SGCG: variants seen among roughly 807,000 people sequenced by gnomAD.
The protein encoded by SGCG is sarcoglycan gamma.
Under a neutral mutation model 29.3 loss-of-function variants are expected in SGCG, and 26 were observed. The observed-to-expected ratio is 0.89, with a 90% CI of 0.65 to 1.23. SGCG has a LOEUF of 1.23. Ranked by LOEUF, SGCG falls within the 50% of genes most tolerant of loss-of-function variation. The probability of loss-of-function intolerance (pLI) is 0.00; values close to 1 mark genes in which losing one functional copy is unlikely to be tolerated. For missense variants in SGCG, 353 were observed against 356.0 expected (o/e 0.99, Z 0.07); for synonymous variants, 145 against 129.7 (o/e 1.12, Z -0.80).
chr13:23,276,605 A>G (rs540707001), intron 4 of SGCG, among the ~76,000 whole-genome samples: 8 of 151,676 alleles, frequency 5.3e-5, no homozygotes, highest in Non-Finnish European at 7.4e-5. Flanking sequence ...GCTAATTTTT[A>G]TATTTTCAGC....
At chr13:23,194,751 G>A (rs771712238) in intron 1 of SGCG, among the ~76,000 whole-genome samples, 49 of 152,294 alleles carry the variant, frequency 3.2e-4, no homozygotes, top group East Asian at 1.9e-4. Context: ...CTGTGTTACT[G>A]GACATGTGTC....
At chr13:23,238,271 G>A (rs888339123) in intron 3 of SGCG, among the ~76,000 whole-genome samples, 4 of 152,174 alleles carry the variant, frequency 2.6e-5, no homozygotes, top group East Asian at 1.9e-4. Context: ...TTTGCAAGGC[G>A]GAGTACTGCA....
chr13:23,242,631 A>G (rs1317477439), intron 3 of SGCG, among the ~76,000 whole-genome samples: 1 of 152,180 alleles, frequency 6.6e-6, no homozygotes, highest in Non-Finnish European at 1.5e-5. Flanking sequence ...CCTTGCTGTC[A>G]TTCTCTAAAT....
intron 4 of SGCG, among the ~76,000 whole-genome samples, chr13:23,258,774 C>A (rs988025267): frequency 6.6e-6 from 1 of 151,966 alleles, no homozygotes; most frequent in African/African-American, 2.4e-5. Flanking sequence ...TGAATTTTGT[C>A]GAAGGCCTTT....
chr13:23,311,857 C>T (rs1377531415), intron 6 of SGCG, among the ~76,000 whole-genome samples: 1 of 152,086 alleles, frequency 6.6e-6, no homozygotes, highest in African/African-American at 2.4e-5. Flanking sequence ...GACCTCCAAA[C>T]CCCCCACCGT....
intron 6 of SGCG, among the ~76,000 whole-genome samples, chr13:23,317,313 G>A (rs1281962831): frequency 6.6e-6 from 1 of 152,210 alleles, no homozygotes; most frequent in Non-Finnish European, 1.5e-5. Context: ...TAAGGTCAAT[G>A]GGAAACTACA....
intron 2 of SGCG, among the ~76,000 whole-genome samples, chr13:23,210,346 T>C (rs961340180): frequency 6.6e-6 from 1 of 152,108 alleles, no homozygotes; most frequent in South Asian, 2.1e-4. Flanking sequence ...TGAAAAAAGA[T>C]TGTGTTTAAA....
Position 23,291,564 on chromosome 13 carries a change from G to A in SGCG, c.506-3851G>A, listed in dbSNP as rs890590976. Among the ~76,000 whole-genome samples, 4 of 152,102 alleles carry A rather than the reference G, an allele frequency of 2.6e-5. No individual in the cohort carries two copies. The South Asian group carries it at 6.2e-4, about 24-fold the overall frequency. On this transcript the variant is annotated intron_variant, in intron 5 of 7. Transcript: ENST00000218867. The stretch of plus-strand genomic sequence containing the variant: ...CTGAATAGTGATGATATAATCAAGA[G>A]CATATAATTTGGACATTTATCATTT...
At position 23,212,375 on chromosome 13, in the gene SGCG, C is replaced by T. The variant is rs192460352; in HGVS notation, c.195+8486C>T. On this transcript the variant is annotated intron_variant, in intron 2 of 7. Transcript: ENST00000218867. Reference sequence around the variant, plus strand: ...TTGTAAGACTCGGACTTATTTTTCCCAGCATAGCACACCACAATTTTCTGG... The same window carrying T: ...TTGTAAGACTCGGACTTATTTTTCCTAGCATAGCACACCACAATTTTCTGG... Among the ~76,000 whole-genome samples the T allele has an allele frequency of 3.4e-3, 354 of 104,356 alleles. 7 individuals carry two copies. Among genetic ancestry groups the T allele is most frequent in the Non-Finnish European group, 9.3e-4 (44 of 47,212 alleles). The allele number at this position is 104,356 out of a possible 152,430, so 68.5% of individuals were successfully genotyped here.
intron 2 of SGCG, among the ~76,000 whole-genome samples, chr13:23,224,028 A>T (rs915824939): frequency 6.6e-6 from 1 of 152,190 alleles, no homozygotes; most frequent in African/African-American, 2.4e-5. Context: ...TGTTTAGGTC[A>T]GGCATGTATG....
At chr13:23,324,267 TGAG>T (rs1418010709) in intron 7 of SGCG, 98 bp from the exon 8 acceptor site, 51 of 1,119,068 alleles carry the variant, frequency 4.6e-5, no homozygotes, top group Admixed American at 3.4e-4. Flanking sequence ...TTGTTTTCTA[TGAG>T]GAGAAGAAAC....
chr13:23,221,019 C>T (rs1354172327), intron 2 of SGCG, among the ~76,000 whole-genome samples: 2 of 135,658 alleles, frequency 1.5e-5, no homozygotes, highest in Non-Finnish European at 3.1e-5. Flanking sequence ...TTATGTTATT[C>T]ATCTACAGCA....
intron 3 of SGCG, among the ~76,000 whole-genome samples, chr13:23,247,654 T>C (rs1879766754): frequency 6.6e-6 from 1 of 152,002 alleles, no homozygotes; most frequent in South Asian, 2.1e-4. Context: ...TATTTAAAAA[T>C]TTAAAAATCG....
intron 1 of SGCG, among the ~76,000 whole-genome samples, chr13:23,192,765 T>C (rs1877328713): frequency 6.6e-6 from 1 of 152,208 alleles, no homozygotes; most frequent in African/African-American, 2.4e-5. Flanking sequence ...ATAATTTAGG[T>C]CTTTAATTGT....
intron 2 of SGCG, among the ~76,000 whole-genome samples, chr13:23,231,838 G>C (rs982625254): frequency 6.6e-6 from 1 of 152,112 alleles, no homozygotes; most frequent in African/African-American, 2.4e-5. Flanking sequence ...AGCTCAGAAG[G>C]CCAGGCACGG....
chr13:23,250,711 A>C lies in SGCG; in HGVS notation c.379A>C (p.Lys127Gln), dbSNP rs368149615. ...AGAAGGGGAGGTCACAGGCAGGTTA[A>C]AAGTCGGTGAGTCCAGCTTCATCAT... The part of the protein sequence containing the change: ...NSEGEVTGRL[K>Q]VGPKMVEVQN... Residue 127 changes from lysine (K) to glutamine (Q), a missense_variant, in exon 4 of 8, where the codon AAA becomes CAA. Physicochemically the swap from Lys to Gln is moderately conservative, Grantham distance 53. Transcript: ENST00000218867. 43 of 1,599,278 alleles carry C rather than the reference A, an allele frequency of 2.7e-5. No individual in the cohort carries two copies. The African/African-American group carries it at 5.1e-4, about 19-fold the overall frequency.
At chr13:23,227,894 T>A (rs1284505649) in intron 2 of SGCG, among the ~76,000 whole-genome samples, 2 of 152,194 alleles carry the variant, frequency 1.3e-5, no homozygotes, top group African/African-American at 4.8e-5. Flanking sequence ...CACTTCAGCC[T>A]CTTCCTCCTG....
intron 1 of SGCG, among the ~76,000 whole-genome samples, chr13:23,186,725 G>T (rs533200290): frequency 6.6e-6 from 1 of 152,306 alleles, no homozygotes; most frequent in South Asian, 2.1e-4. Flanking sequence ...GCCAGCAGCT[G>T]CTGGGAAATA....
intron 4 of SGCG, among the ~76,000 whole-genome samples, chr13:23,262,244 A>G (rs1259871894): frequency 6.6e-6 from 1 of 152,006 alleles, no homozygotes; most frequent in Non-Finnish European, 1.5e-5. Flanking sequence ...CACAAACCAA[A>G]TATCTGCTGT....
Sources: allele counts gnomAD v4.1 joint callset (sites outside exome capture counted in the v4.1 genomes callset), GRCh38; gene constraint gnomAD v4.1.1; transcripts MANE v1.5; gene names NCBI Gene and HGNC (gene_info 2026-07-23, HGNC 2026-07-21).